SLC28A1: variants seen among roughly 807,000 people sequenced by gnomAD.
The protein encoded by SLC28A1 is sodium/nucleoside cotransporter 1.
A neutral mutation model predicts 74.8 loss-of-function variants in SLC28A1; 64 were observed. That is an observed-to-expected ratio of 0.86 (90% CI 0.70 to 1.05). The LOEUF (loss-of-function observed/expected upper bound fraction) is 1.05, where lower values mean the gene tolerates loss of function less well. Ranked by LOEUF, SLC28A1 falls within the 50% of genes least tolerant of loss-of-function variation. SLC28A1 has a pLI of 0.00. For synonymous variants in SLC28A1, 359 were observed against 335.0 expected, an observed-to-expected ratio of 1.07 and a Z score of -0.78; for missense variants, 828 against 822.8, an observed-to-expected ratio of 1.01 and a Z score of -0.08.
At chr15:84,928,527 G>GTTCGTTCGTTCTTTCTTTCT in intron 12 of SLC28A1, among the ~76,000 whole-genome samples, 1 of 47,176 alleles carries the variant, frequency 2.1e-5, no homozygotes, top group Non-Finnish European at 3.9e-5. Context: ...AGGTTCGTTC[G>GTTCGTTCGTTCTTTCTTTCT]TTCTTTCTTT....
At chr15:84,895,266 G>A (rs896049615) in intron 6 of SLC28A1, 143 bp downstream of exon 6, 6 of 1,575,482 alleles carry the variant, frequency 3.8e-6, no homozygotes, top group Non-Finnish European at 5.2e-6. Context: ...AGGAGCCAGT[G>A]GGTGGCTTCA....
intron 9 of SLC28A1, among the ~76,000 whole-genome samples, chr15:84,910,415 G>A (rs189873922): frequency 2.6e-5 from 4 of 152,280 alleles, no homozygotes; most frequent in Non-Finnish European, 4.4e-5. Context: ...GGAGGCTCCC[G>A]CAGCTTCTTA....
chr15:84,885,543 C>A (rs1357421003), intron 1 of SLC28A1, among the ~76,000 whole-genome samples: 1 of 151,776 alleles, frequency 6.6e-6, no homozygotes, highest in Non-Finnish European at 1.5e-5. Context: ...ACCAGCCTGA[C>A]CAACATGGAG....
At chr15:84,936,688 A>C (rs933964411) in intron 15 of SLC28A1, among the ~76,000 whole-genome samples, 1 of 152,224 alleles carries the variant, frequency 6.6e-6, no homozygotes, top group Non-Finnish European at 1.5e-5. Context: ...TGAGAATGAA[A>C]AAATTACCTA....
intron 8 of SLC28A1, among the ~76,000 whole-genome samples, chr15:84,907,773 G>A (rs1050249274): frequency 1.3e-5 from 2 of 152,196 alleles, no homozygotes; most frequent in African/African-American, 4.8e-5. Context: ...AGTTCCCTGT[G>A]CTCTGTGCAG....
chr15:84,944,513 G>A (rs1973089571), intron 16 of SLC28A1, 53 bp from the exon 17 acceptor site: 12 of 1,270,908 alleles, frequency 9.4e-6, no homozygotes, highest in East Asian at 2.3e-5. Context: ...TGCGGAACGC[G>A]GGCAGAGAGG....
intron 16 of SLC28A1, among the ~76,000 whole-genome samples, chr15:84,944,146 T>G (rs975886436): frequency 2.6e-5 from 4 of 152,208 alleles, no homozygotes; most frequent in Admixed American, 1.3e-4. Flanking sequence ...GTCTGCACAG[T>G]TCTCAGTTCT....
chr15:84,959,707 G>A, the SLC28A1 span, among the ~76,000 whole-genome samples: 12 of 152,098 alleles, frequency 7.9e-5, no homozygotes, highest in African/African-American at 2.9e-4. Flanking sequence ...TTTCATGTGA[G>A]TAATATCATT....
In SLC28A1 at chr15:84,895,737, C is replaced by CAA. The variant is rs546535936; in HGVS notation, c.461+619_461+620dup. ...TGTGTTTTATAAGCCAAGGTTCACA[C>CAA]AAAAAAGAAAATTCGCTGGGGGAAA... On this transcript the variant is annotated intron_variant, in intron 6 of 18. Coordinates refer to ENST00000394573, the MANE Select transcript of SLC28A1 (RefSeq NM_004213.5). 1.9e-5 allele frequency: 24 copies of CAA among 1,245,468 alleles called. No individual in the cohort carries two copies. In the African/African-American group the frequency reaches 3.9e-4, roughly 20 times the overall value. The allele number at this position is 1,245,468 out of a possible 1,614,324, so 77.2% of individuals were successfully genotyped here.
the SLC28A1 span, among the ~76,000 whole-genome samples, chr15:84,956,108 C>G: frequency 6.6e-6 from 1 of 152,324 alleles, no homozygotes; most frequent in Admixed American, 6.5e-5. Flanking sequence ...TCAGTCATTT[C>G]TGTTACTTAC....
chr15:84,908,069 T>C (rs1012293219), intron 8 of SLC28A1, among the ~76,000 whole-genome samples: 1 of 151,946 alleles, frequency 6.6e-6, no homozygotes, highest in African/African-American at 2.4e-5. Context: ...ACTTTGCCGT[T>C]GGTTGTCAGG....
downstream of SLC28A1, among the ~76,000 whole-genome samples, chr15:84,949,086 T>G (rs2079327840): frequency 6.6e-6 from 1 of 152,226 alleles, no homozygotes; most frequent in African/African-American, 2.4e-5. Context: ...CCATCAAGTA[T>G]TTGAAGATGA....
chr15:84,957,944 T>C, the SLC28A1 span, among the ~76,000 whole-genome samples: 1 of 152,246 alleles, frequency 6.6e-6, no homozygotes. Flanking sequence ...CTCTGATCCA[T>C]GAACATGGGA....
At chr15:84,941,485 G>A (rs142111173) in intron 15 of SLC28A1, among the ~76,000 whole-genome samples, 7,846 of 151,800 alleles carry the variant, frequency 0.052, 290 homozygotes, top group Non-Finnish European at 0.07. Flanking sequence ...GATTACAGGC[G>A]TGACCCACTG....
chr15:84,956,798 C>G, the SLC28A1 span, among the ~76,000 whole-genome samples: 5 of 151,738 alleles, frequency 3.3e-5, no homozygotes, highest in Non-Finnish European at 1.5e-5. Flanking sequence ...AGCTACTGCA[C>G]CTGGCCTCTT....
At chr15:84,891,370 G>C (rs1333630673) in intron 5 of SLC28A1, among the ~76,000 whole-genome samples, 1 of 152,188 alleles carries the variant, frequency 6.6e-6, no homozygotes, top group South Asian at 2.1e-4. Flanking sequence ...GCCTGCTCGG[G>C]TGATAGGAGG....
chr15:84,887,157 C>T (rs1398450311), intron 2 of SLC28A1, among the ~76,000 whole-genome samples: 1 of 152,204 alleles, frequency 6.6e-6, no homozygotes, highest in Non-Finnish European at 1.5e-5. Context: ...GTTGCACCTC[C>T]ATCTTTCAGA....
the SLC28A1 span, among the ~76,000 whole-genome samples, chr15:84,957,442 T>C: frequency 6.6e-6 from 1 of 152,320 alleles, no homozygotes; most frequent in East Asian, 1.9e-4. Flanking sequence ...AATTTTTGTA[T>C]TTTTAGTAAA....
intron 15 of SLC28A1, 37 bp downstream of exon 15, chr15:84,935,555 G>T: frequency 1.3e-6 from 2 of 1,573,080 alleles, no homozygotes; most frequent in South Asian, 2.2e-5. Flanking sequence ...GCAGGGGGAT[G>T]ACACGGCACA....
Sources: allele counts gnomAD v4.1 joint callset (sites outside exome capture counted in the v4.1 genomes callset), GRCh38; gene constraint gnomAD v4.1.1; transcripts MANE v1.5; gene names NCBI Gene and HGNC (gene_info 2026-07-23, HGNC 2026-07-21).